Variants in PITPNM2 observed in about 807,000 individuals in gnomAD.
The protein encoded by PITPNM2 is phosphatidylinositol transfer protein membrane associated 2, also known as membrane-associated phosphatidylinositol transfer protein 2.
In PITPNM2, 35 loss-of-function variants were observed where a neutral mutation model predicts 132.2. That is an observed-to-expected ratio of 0.26 (90% CI 0.20 to 0.35). PITPNM2 has a LOEUF of 0.35. Ranked by LOEUF, PITPNM2 falls within the 10% of genes least tolerant of loss-of-function variation. The pLI, the probability that PITPNM2 is intolerant of heterozygous loss-of-function variation, is 1.00. For missense variants in PITPNM2, 1,332 were observed against 1,912.0 expected (o/e 0.70, Z 5.66); for synonymous variants, 738 against 799.2 (o/e 0.92, Z 1.29).
chr12:122,983,857 T>A lies in PITPNM2; in HGVS notation c.*2170A>T, dbSNP rs2037825828. The A allele has an allele frequency of 6.6e-6, 1 of 152,646 alleles. No homozygotes were observed. The highest frequency in any genetic ancestry group is 1.5e-5 in the Non-Finnish European group (1 of 68,060). 9.5% of individuals were successfully genotyped at this position (152,646 alleles called of 1,614,324 possible). On this transcript the variant is annotated 3_prime_UTR_variant, in exon 26 of 26. Coordinates refer to ENST00000320201, the MANE Select transcript of PITPNM2 (RefSeq NM_020845.3). ...TGCCTCACCCTTTGGTTATGACTGG[T>A]CAGGCCTGAGCCCTGCAGCTCAGCA...
Position 123,117,460 on chromosome 12 carries a change from T to A in PITPNM2, c.-199-6972A>T, listed in dbSNP as rs921384766. On this transcript the variant is annotated intron_variant, in intron 1 of 25. Transcript: ENST00000320201. The surrounding 1 kb of genome is among the most constrained non-coding windows in gnomAD (Gnocchi z 4.7). Reference sequence around the variant, plus strand: ...ATGGGATTGAGACCAGAGTTCTGGCTGCTGACTCTGGGTAAGTCAGCTCGG... The same window carrying A: ...ATGGGATTGAGACCAGAGTTCTGGCAGCTGACTCTGGGTAAGTCAGCTCGG... 6.6e-6 allele frequency among the ~76,000 whole-genome samples: 1 copy of A among 152,232 alleles called. No individual in the cohort carries two copies. The highest frequency in any genetic ancestry group is 2.4e-5 in the African/African-American group (1 of 41,468).
At chr12:123,120,075 C>T (rs544899843) in intron 1 of PITPNM2, among the ~76,000 whole-genome samples, 160 of 152,186 alleles carry the variant, frequency 1.1e-3, no homozygotes, top group African/African-American at 3.6e-3. Flanking sequence ...GCTGCATAGC[C>T]GACAAGGGCT....
intron 3 of PITPNM2, among the ~76,000 whole-genome samples, chr12:123,032,716 C>T (rs1009298253): frequency 1.1e-4 from 17 of 152,272 alleles, no homozygotes; most frequent in African/African-American, 4.1e-4. Flanking sequence ...ACTGGCAGAT[C>T]AGCCTGGTCC....
At chr12:123,130,250 G>A (rs2043232936) in intron 1 of PITPNM2, among the ~76,000 whole-genome samples, 1 of 152,132 alleles carries the variant, frequency 6.6e-6, no homozygotes, top group Non-Finnish European at 1.5e-5. Flanking sequence ...CTGGAAATGA[G>A]GGCCTATGGA....
At chr12:123,129,909 G>GTT (rs1306321067) in intron 1 of PITPNM2, among the ~76,000 whole-genome samples, 2 of 143,002 alleles carry the variant, frequency 1.4e-5, no homozygotes, top group Admixed American at 7.0e-5. Context: ...TTTGTTTTGC[G>GTT]TTTTTTTTTT....
intron 1 of PITPNM2, among the ~76,000 whole-genome samples, chr12:123,135,038 T>G (rs2043347275): frequency 6.6e-6 from 1 of 152,134 alleles, no homozygotes; most frequent in Non-Finnish European, 1.5e-5. Flanking sequence ...AACCTAACCA[T>G]GTGGACAGAC....
intron 1 of PITPNM2, among the ~76,000 whole-genome samples, chr12:123,131,885 C>T (rs1424951521): frequency 6.6e-6 from 1 of 152,228 alleles, no homozygotes; most frequent in Non-Finnish European, 1.5e-5. Flanking sequence ...CACATACATT[C>T]TCCTTTAAAC....
chr12:123,028,271 C>T (rs1017846149), intron 3 of PITPNM2, among the ~76,000 whole-genome samples: 7 of 152,202 alleles, frequency 4.6e-5, no homozygotes, highest in African/African-American at 1.7e-4. Flanking sequence ...ATATTGAGTG[C>T]TGCTCCAGCA....
chr12:123,105,537 C>T (rs548124657), intron 2 of PITPNM2: 3 of 152,288 alleles, frequency 2.0e-5, no homozygotes, highest in East Asian at 1.9e-4. Flanking sequence ...GGGTTCACAT[C>T]TCAGGAAGTG....
In PITPNM2 at chr12:123,075,654, G is replaced by C. The variant is rs537192439; in HGVS notation, c.-96+34731C>G. 2.7e-4 allele frequency: 41 copies of C among 152,260 alleles called. 1 individual carries two copies. The highest frequency in any genetic ancestry group is 2.7e-3 in the Admixed American group (41 of 15,272). The allele number at this position is 152,260 out of a possible 1,614,324, so 9.4% of individuals were successfully genotyped here. A position where few individuals can be genotyped will look rare whatever the true frequency, so the allele number is the denominator to read the frequency against. ...CACACTTTCACAGGCTGGAGCCATC[G>C]GCGGCCCAGGCTCCCACCTCTCCAA... On this transcript the variant is annotated intron_variant, in intron 2 of 25. Coordinates refer to ENST00000320201, the MANE Select transcript of PITPNM2 (RefSeq NM_020845.3).
chr12:123,072,378 C>G (rs973683375), intron 2 of PITPNM2, among the ~76,000 whole-genome samples: 3 of 152,234 alleles, frequency 2.0e-5, no homozygotes, highest in African/African-American at 7.2e-5. Flanking sequence ...TGAGCATAGT[C>G]TTGCTTAGAG....
At chr12:123,007,394 C>A (rs1435711514) in intron 6 of PITPNM2, 1 of 456,564 alleles carries the variant, frequency 2.2e-6, no homozygotes, top group East Asian at 7.0e-5. Flanking sequence ...ATGAACATTC[C>A]AGAACAGGCA....
chr12:123,068,496 A>G (rs2041517121), intron 2 of PITPNM2, among the ~76,000 whole-genome samples: 1 of 116,688 alleles, frequency 8.6e-6, no homozygotes, highest in Non-Finnish European at 1.8e-5. Context: ...TAAATAAATA[A>G]ATAAAAATAA....
rs964100795 is a variant in PITPNM2, at chr12:123,106,023, TC to T, written c.-96+4361del. On this transcript the variant is annotated intron_variant, in intron 2 of 25. Coordinates refer to ENST00000320201, the MANE Select transcript of PITPNM2 (RefSeq NM_020845.3). The surrounding 1 kb of genome is among the most constrained non-coding windows in gnomAD (Gnocchi z 4.4). ...CACAAGTGAAACAGACCCATGCCCA[TC>T]CCCCTGCAAGCATGGTATGCCTGCG... Among the ~76,000 whole-genome samples, 19 of 152,116 alleles carry T rather than the reference TC, an allele frequency of 1.2e-4. No individual in the cohort carries two copies. Among genetic ancestry groups the T allele is most frequent in the Non-Finnish European group, 2.5e-4 (17 of 68,002 alleles).
At chr12:123,114,940 C>T (rs745449109) in intron 1 of PITPNM2, among the ~76,000 whole-genome samples, 3 of 152,090 alleles carry the variant, frequency 2.0e-5, no homozygotes, top group East Asian at 1.9e-4. Flanking sequence ...GGTGTAGACC[C>T]GAGATCCCTG....
At chr12:123,147,146 C>A (rs1168368971) in intron 1 of PITPNM2, among the ~76,000 whole-genome samples, 1 of 152,118 alleles carries the variant, frequency 6.6e-6, no homozygotes, top group African/African-American at 2.4e-5. Context: ...CTTCAAGCCC[C>A]CTTCAAGTCC....
chr12:123,126,564 C>T (rs569532904), intron 1 of PITPNM2, among the ~76,000 whole-genome samples: 2 of 152,170 alleles, frequency 1.3e-5, no homozygotes, highest in South Asian at 2.1e-4. Context: ...CAAAACCACA[C>T]TGAGTGAGTA....
chr12:123,005,599 G>A lies in PITPNM2; in HGVS notation c.644-51C>T, dbSNP rs764896548. 9 of 1,557,460 alleles carry A rather than the reference G, an allele frequency of 5.8e-6. No homozygotes were observed. The highest frequency in any genetic ancestry group is 2.3e-5 in the South Asian group (2 of 85,966). On this transcript the variant is annotated intron_variant, in intron 6 of 25. Coordinates refer to ENST00000320201, the MANE Select transcript of PITPNM2 (RefSeq NM_020845.3). This position sits in a 1 kb window ranked among gnomAD's most constrained non-coding sequence, Gnocchi z 6.2. ...GAGAGACGAGGGGAGGGAGGTCAGC[G>A]CAGGAGCCTGCACGGAAGTGTGGGG...
intron 1 of PITPNM2, among the ~76,000 whole-genome samples, chr12:123,129,323 C>T (rs978829717): frequency 2.0e-5 from 3 of 152,032 alleles, no homozygotes; most frequent in African/African-American, 7.3e-5. Flanking sequence ...AATCCCAGCA[C>T]TTTGGGAGGC....
Sources: gnomAD v4.1 joint callset for allele counts (sites outside exome capture counted in the v4.1 genomes callset) on GRCh38, gnomAD v4.1.1 for gene constraint, Gnocchi (gnomAD v3.1) non-coding constraint, MANE v1.5 for transcripts, NCBI Gene and HGNC (gene_info 2026-07-23, HGNC 2026-07-21) for gene names.